CBY1: variants seen among roughly 807,000 people sequenced by gnomAD.
The protein encoded by CBY1 is chibby 1, beta catenin antagonist.
In CBY1, 10 loss-of-function variants were observed where a neutral mutation model predicts 15.6. That is an observed-to-expected ratio of 0.64 (90% confidence interval 0.40 to 1.09). The LOEUF is 1.09. Among genes scored for constraint, CBY1 ranks in the 50% least tolerant of loss-of-function variants. CBY1 has a pLI of 0.01. For synonymous variants in CBY1, 61 were observed against 63.5 expected, an observed-to-expected ratio of 0.96 and a Z score of 0.19; for missense variants, 150 against 160.5, an observed-to-expected ratio of 0.93 and a Z score of 0.35.
Position 38,658,636 on chromosome 22 carries a change from C to T in CBY1, c.-39+1886C>T, listed in dbSNP as rs2092412798. ...GGACTACAGGCTCCTGCCACCATGCCAGGCTAATTTTTTGTATTTTTAGTA... is the reference window on the plus strand; with the variant it reads ...GGACTACAGGCTCCTGCCACCATGCTAGGCTAATTTTTTGTATTTTTAGTA... On this transcript the variant is annotated intron_variant, in intron 1 of 4. Transcript: ENST00000216029. Among the ~76,000 whole-genome samples, 3 of 151,836 alleles carry T rather than the reference C, an allele frequency of 2.0e-5. No homozygotes were observed. In the South Asian group the frequency reaches 6.3e-4, roughly 32 times the overall value.
At chr22:38,658,929 A>G (rs1191411188) in intron 1 of CBY1, among the ~76,000 whole-genome samples, 1 of 151,670 alleles carries the variant, frequency 6.6e-6, no homozygotes, top group Non-Finnish European at 1.5e-5. Flanking sequence ...TTACAATTTT[A>G]TTTTTATTTT....
chr22:38,668,961 C>T (rs3788544), intron 2 of CBY1, among the ~76,000 whole-genome samples: 40,248 of 152,068 alleles, frequency 0.26, 5,584 homozygotes, highest in East Asian at 0.36. Context: ...TCCCTTTCCT[C>T]TCTGCCATGT....
chr22:38,667,516 G>T (rs2092440356), intron 1 of CBY1: 1 of 153,582 alleles, frequency 6.5e-6, no homozygotes, highest in Non-Finnish European at 1.4e-5. Context: ...GGAGCGTTCA[G>T]CACATGGGAG....
In CBY1 at chr22:38,668,053, A is replaced by G. The variant is rs1402449589; in HGVS notation, c.-2A>G. 1.2e-6 allele frequency: 2 copies of G among 1,613,810 alleles called. No individual in the cohort carries two copies. The highest frequency in any genetic ancestry group is 2.7e-5 in the African/African-American group (2 of 74,878). ...ACTGGCTTTGCTTTCATCAGGCCAA[A>G]GATGCCTTTCTTTGGGAATACGTTC... On this transcript the variant is annotated 5_prime_UTR_variant, in exon 2 of 5. Transcript: ENST00000216029.
chr22:38,659,775 T>G (rs1000209873), intron 1 of CBY1, among the ~76,000 whole-genome samples: 8 of 144,958 alleles, frequency 5.5e-5, no homozygotes, highest in African/African-American at 2.1e-4. Context: ...GGCGGGAGAA[T>G]GGTGTGAACC....
At chr22:38,671,019 A>T in intron 3 of CBY1, 30 bp downstream of exon 3, 1 of 1,612,954 alleles carries the variant, frequency 6.2e-7, no homozygotes, top group South Asian at 1.1e-5. Context: ...ATTTTGTCAA[A>T]CAAGATTGTA....
intron 1 of CBY1, among the ~76,000 whole-genome samples, chr22:38,667,330 A>G (rs950320346): frequency 5.9e-5 from 9 of 151,538 alleles, no homozygotes; most frequent in African/African-American, 2.2e-4. Context: ...TTTTTGAGAC[A>G]TGGTCTCTCA....
At position 38,673,430 on chromosome 22, in the gene CBY1, C is replaced by T; in HGVS notation, c.*194C>T. The stretch of plus-strand genomic sequence containing the variant: ...AGATGGGGATAGTAACTAGAAGGTG[C>T]TTCAGATGCACTGCCTGCGGGTGCC... On this transcript the variant is annotated 3_prime_UTR_variant, in exon 5 of 5. Coordinates refer to ENST00000216029, the MANE Select transcript of CBY1 (RefSeq NM_015373.4). The T allele has an allele frequency of 2.0e-6, 1 of 504,558 alleles. No homozygotes were observed. Among genetic ancestry groups the T allele is most frequent in the South Asian group, 2.1e-5 (1 of 47,844 alleles). 31.3% of individuals were successfully genotyped at this position (504,558 alleles called of 1,614,324 possible).
At chr22:38,660,322 G>A (rs1207374947) in intron 1 of CBY1, among the ~76,000 whole-genome samples, 1 of 151,654 alleles carries the variant, frequency 6.6e-6, no homozygotes, top group Admixed American at 6.6e-5. Flanking sequence ...AGCCCCCCGA[G>A]TAGCTGGGAT....
chr22:38,659,566 T>C (rs1254154909), intron 1 of CBY1, among the ~76,000 whole-genome samples: 1 of 151,932 alleles, frequency 6.6e-6, no homozygotes, highest in Non-Finnish European at 1.5e-5. Flanking sequence ...CACAATTTTA[T>C]TATAAGAATG....
chr22:38,659,875 A>C (rs1422944852), intron 1 of CBY1, among the ~76,000 whole-genome samples: 2 of 151,522 alleles, frequency 1.3e-5, no homozygotes, highest in Non-Finnish European at 2.9e-5. Flanking sequence ...AAAAAAAAAA[A>C]AAAAAAAGAA....
rs972850254 is a variant in CBY1 at position 38,659,734 on chromosome 22, C to T, written c.-39+2984C>T. Among the ~76,000 whole-genome samples the T allele has an allele frequency of 1.1e-4, 17 of 151,770 alleles. No homozygotes were observed. The South Asian group carries it at 1.2e-3, about 11-fold the overall frequency. On this transcript the variant is annotated intron_variant, in intron 1 of 4. Transcript: ENST00000216029. ...AAAATTGCCCAGGTGTGGTGGCAGG[C>T]GCCTGTAGTCCCAGCTACTCGGGAG...
At chr22:38,671,257 A>C (rs1420738899) in intron 4 of CBY1, 69 bp downstream of exon 4, 1 of 1,146,146 alleles carries the variant, frequency 8.7e-7, no homozygotes, top group African/African-American at 1.5e-5. Flanking sequence ...GAGTCACTTA[A>C]TCCAACAGAT....
At position 38,671,102 on chromosome 22, in the gene CBY1, G is replaced by T. The variant is rs761324829; in HGVS notation, c.217G>T (p.Glu73Ter). The T allele has an allele frequency of 6.2e-7, 1 of 1,614,238 alleles. No individual in the cohort carries two copies. The highest frequency in any genetic ancestry group is 8.5e-7 in the Non-Finnish European group (1 of 1,180,028). ...GGTTAGTGGCGGTGTGGACCGGAGG[G>T]AGGTTCAGCGCCTTCGCAGGCGGAA... ...TGVSGGVDRREVQRLRRRNQQ... is the reference protein window; with the variant it reads ...TGVSGGVDRR The change falls in exon 4 of 5, where the codon GAG becomes TAG. Residue 73 changes from glutamate to a stop codon, truncating the protein, a stop_gained. Coordinates refer to ENST00000216029, the MANE Select transcript of CBY1 (RefSeq NM_015373.4). LOFTEE classifies it high-confidence loss of function.
In CBY1 at chr22:38,670,911, C is replaced by A. The variant is rs896184091; in HGVS notation, c.106C>A (p.Leu36Met). 3.7e-6 allele frequency: 6 copies of A among 1,614,024 alleles called. No homozygotes were observed. In the African/African-American group the frequency reaches 8.0e-5, roughly 22 times the overall value. ...GGATCGATCAACCCGGGAGGTGGAG[C>A]TGGGCTTGGAATACGGATCCCCGAC... ...SLDRSTREVE[L>M]GLEYGSPTMN... The change falls in exon 3 of 5, where the codon CTG becomes ATG. Residue 36 changes from leucine to methionine, a missense_variant. Physicochemically the swap from Leu to Met is conservative, Grantham distance 15. Coordinates refer to ENST00000216029, the MANE Select transcript of CBY1 (RefSeq NM_015373.4).
At chr22:38,667,766 G>C (rs899768081) in intron 1 of CBY1, 6 of 395,896 alleles carry the variant, frequency 1.5e-5, no homozygotes, top group Non-Finnish European at 2.7e-5. Flanking sequence ...GCCCACGCCA[G>C]AGAAAACTAA....
chr22:38,657,327 G>A (rs2092402343), intron 1 of CBY1, among the ~76,000 whole-genome samples: 1 of 152,142 alleles, frequency 6.6e-6, no homozygotes, highest in African/African-American at 2.4e-5. Context: ...TGTGAGCCAG[G>A]TACTATTATT....
intron 1 of CBY1, chr22:38,657,115 G>T (rs1218663222): frequency 2.0e-6 from 2 of 984,202 alleles, no homozygotes; most frequent in Non-Finnish European, 2.4e-6. Flanking sequence ...GAAAACCAGA[G>T]ATTCCGCCCT....
At chr22:38,656,976 A>G (rs2092399763) in intron 1 of CBY1, 1 of 167,970 alleles carries the variant, frequency 6.0e-6, no homozygotes, top group Non-Finnish European at 1.2e-5. Flanking sequence ...AGATGATTGC[A>G]TGAGATCGTG....
Sources: gnomAD v4.1 joint callset for allele counts (sites outside exome capture counted in the v4.1 genomes callset) on GRCh38, gnomAD v4.1.1 for gene constraint, MANE v1.5 for transcripts, NCBI Gene and HGNC (gene_info 2026-07-23, HGNC 2026-07-21) for gene names.